PRICKLE2: variants seen among roughly 807,000 people sequenced by gnomAD.
The protein encoded by PRICKLE2 is prickle planar cell polarity protein 2, also known as prickle-like protein 2.
A neutral mutation model predicts 81.4 loss-of-function variants in PRICKLE2; 21 were observed. The ratio of observed to expected loss-of-function variants is 0.26; its 90% CI spans 0.18 to 0.37. The LOEUF (loss-of-function observed/expected upper bound fraction) is 0.37. PRICKLE2 is among the 10% of genes least tolerant of loss of function. PRICKLE2 has a pLI of 1.00. For missense variants in PRICKLE2, 940 were observed against 1,109.0 expected (o/e 0.85, Z 2.16); for synonymous variants, 456 against 421.5 (o/e 1.08, Z -1.00).
intron 7 of PRICKLE2, among the ~76,000 whole-genome samples, chr3:64,133,161 C>T (rs756434980): frequency 8.5e-5 from 13 of 152,122 alleles, no homozygotes; most frequent in Non-Finnish European, 1.8e-4. Flanking sequence ...TATATTAAAC[C>T]GCTTCAGAAG....
intron 5 of PRICKLE2, among the ~76,000 whole-genome samples, chr3:64,156,542 G>C (rs2077637873): frequency 6.6e-6 from 1 of 152,146 alleles, no homozygotes; most frequent in African/African-American, 2.4e-5. Context: ...TTACACGGTA[G>C]GGTGTGCTTC....
At position 64,096,717 on chromosome 3, in the gene PRICKLE2, G is replaced by A. The variant is rs1002716171; in HGVS notation, c.*2334C>T. On this transcript the variant is annotated 3_prime_UTR_variant, in exon 8 of 8. Transcript: ENST00000638394. ...GCACTGGCCATGTGTCAGTTTTTAG[G>A]CCACCTTCTTTCTGATGATGGTGGT... The A allele has an allele frequency of 2.6e-5, 4 of 152,496 alleles. No individual in the cohort carries two copies. Among genetic ancestry groups the A allele is most frequent in the Non-Finnish European group, 4.4e-5 (3 of 68,024 alleles). 9.4% of individuals were successfully genotyped at this position (152,496 alleles called of 1,614,324 possible). A position where few individuals can be genotyped will look rare whatever the true frequency, so the allele number is the denominator to read the frequency against.
chr3:64,195,675 T>TA (rs557253873), intron 2 of PRICKLE2, among the ~76,000 whole-genome samples: 160 of 151,336 alleles, frequency 1.1e-3, no homozygotes, highest in African/African-American at 2.7e-3. Flanking sequence ...TACAGCTTTC[T>TA]AAAAAAAAAC....
At chr3:64,257,101 C>CTGG (rs1427524098) in intron 2 of PRICKLE2, among the ~76,000 whole-genome samples, 4 of 152,178 alleles carry the variant, frequency 2.6e-5, no homozygotes, top group African/African-American at 9.7e-5. Flanking sequence ...ATGCTTCACC[C>CTGG]ATTCATTTGG....
rs116751185 is a variant in PRICKLE2, at chr3:64,125,096, A to G, written c.1660+21734T>C. Among the ~76,000 whole-genome samples the G allele has an allele frequency of 3.8e-3, 583 of 152,324 alleles. 3 individuals are homozygous for G. Among genetic ancestry groups the G allele is most frequent in the African/African-American group, 0.013 (540 of 41,562 alleles). ...TAGGAGTTTGGACAAAGTTGATTCT[A>G]ACCCTCATGGATAACTTTGAGGGGT... On this transcript the variant is annotated intron_variant, in intron 7 of 7. Transcript: ENST00000638394.
At chr3:64,223,655 G>A (rs1170225148) in intron 1 of PRICKLE2, among the ~76,000 whole-genome samples, 1 of 152,200 alleles carries the variant, frequency 6.6e-6, no homozygotes, top group Non-Finnish European at 1.5e-5. Context: ...CAAGGGGAAG[G>A]AGCATTTGAT....
At chr3:64,219,611 G>A (rs2078921399) in intron 1 of PRICKLE2, among the ~76,000 whole-genome samples, 1 of 152,196 alleles carries the variant, frequency 6.6e-6, no homozygotes, top group South Asian at 2.1e-4. Context: ...TTTCAAGTCT[G>A]ACATATTCTC....
chr3:64,222,002 TG>T (rs1439439467), intron 1 of PRICKLE2, among the ~76,000 whole-genome samples: 12 of 152,224 alleles, frequency 7.9e-5, no homozygotes, highest in Non-Finnish European at 1.5e-4. Flanking sequence ...TTAATTCTAT[TG>T]GCCTTCAGTT....
At chr3:64,129,004 A>G (rs983990657) in intron 7 of PRICKLE2, among the ~76,000 whole-genome samples, 1 of 151,968 alleles carries the variant, frequency 6.6e-6, no homozygotes, top group African/African-American at 2.4e-5. Context: ...TGGGATGTTT[A>G]GCAGCATCCT....
intron 4 of PRICKLE2, among the ~76,000 whole-genome samples, chr3:64,159,584 G>T (rs564589467): frequency 6.6e-6 from 1 of 152,170 alleles, no homozygotes; most frequent in East Asian, 1.9e-4. Flanking sequence ...CATTCCCTCT[G>T]CCCTAAAATC....
At chr3:64,218,274 T>G (rs912625007) in intron 1 of PRICKLE2, among the ~76,000 whole-genome samples, 4 of 152,178 alleles carry the variant, frequency 2.6e-5, no homozygotes, top group Non-Finnish European at 5.9e-5. Flanking sequence ...ATCAGAACAT[T>G]TTTTACTTAA....
chr3:64,133,514 C>A (rs2077229461), intron 7 of PRICKLE2, among the ~76,000 whole-genome samples: 1 of 151,808 alleles, frequency 6.6e-6, no homozygotes, highest in Non-Finnish European at 1.5e-5. Flanking sequence ...TTCTCATCCA[C>A]AGACTCAGAG....
In PRICKLE2 at chr3:64,098,784, C is replaced by T. The variant is rs2076605672; in HGVS notation, c.*267G>A. 1 of 494,562 alleles carries T rather than the reference C, an allele frequency of 2.0e-6. No homozygotes were observed. The highest frequency in any genetic ancestry group is 3.3e-5 in the Admixed American group (1 of 30,476). The allele number at this position is 494,562 out of a possible 1,614,324, so 30.6% of individuals were successfully genotyped here. On this transcript the variant is annotated 3_prime_UTR_variant, in exon 8 of 8. Transcript: ENST00000638394. ...CATCTTGAGAGATGGCAACTCAACACAGAACTGATGGGAAGGAAGTGACCA... is the reference window on the plus strand; with the variant it reads ...CATCTTGAGAGATGGCAACTCAACATAGAACTGATGGGAAGGAAGTGACCA...
intron 2 of PRICKLE2, among the ~76,000 whole-genome samples, chr3:64,183,717 A>G (rs889307940): frequency 3.9e-5 from 6 of 152,220 alleles, no homozygotes; most frequent in Non-Finnish European, 8.8e-5. Context: ...TTACTTTATA[A>G]TGGAAAGAAA....
intron 2 of PRICKLE2, among the ~76,000 whole-genome samples, chr3:64,240,187 G>A (rs1247315747): frequency 1.3e-5 from 2 of 151,956 alleles, no homozygotes; most frequent in Non-Finnish European, 1.5e-5. Context: ...GGATTGAGTC[G>A]AATGTGATAT....
chr3:64,192,606 C>T (rs1485353928), intron 2 of PRICKLE2, among the ~76,000 whole-genome samples: 1 of 152,156 alleles, frequency 6.6e-6, no homozygotes, highest in East Asian at 1.9e-4. Flanking sequence ...TACAGCTTTA[C>T]AAGGCTCAAA....
At chr3:64,252,980 T>A (rs147803939) in intron 2 of PRICKLE2, among the ~76,000 whole-genome samples, 1 of 152,316 alleles carries the variant, frequency 6.6e-6, no homozygotes, top group African/African-American at 2.4e-5. Flanking sequence ...ATAATTTGCA[T>A]ACCATTGGAT....
In PRICKLE2 at chr3:64,099,902, T is replaced by C; in HGVS notation, c.1684A>G (p.Lys562Glu). The C allele has an allele frequency of 6.2e-7, 1 of 1,614,150 alleles. No individual in the cohort carries two copies. The highest frequency in any genetic ancestry group is 8.5e-7 in the Non-Finnish European group (1 of 1,180,028). ...AATCGGGATAGGTGCTCCTGGCGCTTGGCACCACCATCAGCAGAGAGGCCT... is the reference window on the plus strand; with the variant it reads ...AATCGGGATAGGTGCTCCTGGCGCTCGGCACCACCATCAGCAGAGAGGCCT... ...ATGLSADGGA[K>E]RQEHLSRFSM... The change falls in exon 8 of 8, where the codon AAG becomes GAG. Residue 562 changes from lysine (K) to glutamate (E), a missense_variant. Coordinates refer to ENST00000638394, the MANE Select transcript of PRICKLE2 (RefSeq NM_198859.4). The surrounding 1 kb of genome is among the most constrained non-coding windows in gnomAD (Gnocchi z 4.3).
intron 2 of PRICKLE2, among the ~76,000 whole-genome samples, chr3:64,191,896 G>T (rs1309219388): frequency 2.0e-5 from 3 of 152,130 alleles, no homozygotes; most frequent in South Asian, 4.2e-4. Flanking sequence ...GCCTGGGTTT[G>T]GATACACAGT....
Sources: gnomAD v4.1 joint callset for allele counts (sites outside exome capture counted in the v4.1 genomes callset) on GRCh38, gnomAD v4.1.1 for gene constraint, Gnocchi (gnomAD v3.1) non-coding constraint, MANE v1.5 for transcripts, NCBI Gene and HGNC (gene_info 2026-07-23, HGNC 2026-07-21) for gene names.